Variants in SIGLEC1 observed in about 807,000 individuals in gnomAD.
The protein encoded by SIGLEC1 is sialic acid binding Ig like lectin 1, also known as sialoadhesin.
A neutral mutation model predicts 148.0 loss-of-function variants in SIGLEC1; 132 were observed. That is an observed-to-expected ratio of 0.89 (90% confidence interval 0.77 to 1.03). The LOEUF (loss-of-function observed/expected upper bound fraction) is 1.03, where lower values mean the gene tolerates loss of function less well. SIGLEC1 is among the 50% of genes least tolerant of loss of function. The pLI, the probability that SIGLEC1 is intolerant of heterozygous loss-of-function variation, is 0.00. For synonymous variants in SIGLEC1, 945 were observed against 969.0 expected, an observed-to-expected ratio of 0.98 and a Z score of 0.46; for missense variants, 2,253 against 2,271.4, an observed-to-expected ratio of 0.99 and a Z score of 0.16.
Position 3,696,622 on chromosome 20 carries a change from C to T in SIGLEC1, c.2647G>A (p.Gly883Arg), listed in dbSNP as rs375722756. The T allele has an allele frequency of 6.2e-6, 10 of 1,613,184 alleles. No homozygotes were observed. The highest frequency in any genetic ancestry group is 8.5e-6 in the Non-Finnish European group (10 of 1,179,756). ...SYRCEATNVL[G>R]SSNTSLFFQV... ...AAGAAGAGTGAGGTGTTGGATGATC[C>T]AAGAACATTTGTGGCCTCACAGCGG... Residue 883 changes from glycine (G) to arginine (R), a missense_variant, in exon 11 of 22, where the codon GGA becomes AGA. Transcript: ENST00000344754.
rs144382053 is a variant in SIGLEC1 at position 3,703,936 on chromosome 20, C to T, written c.862G>A (p.Gly288Ser). 8.1e-6 allele frequency: 13 copies of T among 1,613,692 alleles called. No homozygotes were observed. The highest frequency in any genetic ancestry group is 1.1e-5 in the Non-Finnish European group (13 of 1,179,854). The change falls in exon 5 of 22, where the codon GGT (glycine) becomes AGT (serine). Residue 288 changes from glycine (G) to serine (S), a missense_variant. By Grantham distance (56) the Gly-to-Ser change is moderately conservative. Transcript: ENST00000344754. ...GCTGCCTGGGGCAGGTGCAGCACAC[C>T]AGTCTTGGTTTGGAGGCGTACCCCA... ...KDGVRLQTKT[G>S]VLHLPQAAWS...
At chr20:3,696,448 T>TACTG (rs1555848054) in intron 11 of SIGLEC1, 138 bp downstream of exon 11, 1 of 623,918 alleles carries the variant, frequency 1.6e-6, no homozygotes, top group Admixed American at 3.6e-5. Context: ...GGAGGCCTTC[T>TACTG]GCTGGCTGGA....
In SIGLEC1 at chr20:3,688,569, G is replaced by C; in HGVS notation, c.5121C>G (p.Pro1707=). The stretch of plus-strand genomic sequence containing the variant: ...CAGGCAACACCACTGGTCAGCCCAG[G>C]GGTGGGGCACAGGTTGAGGTCTCAC... ...ATCETSTCAP[P]LG The change falls in exon 22 of 22, where the codon CCC becomes CCG. Residue 1707 remains proline, a synonymous_variant. Transcript: ENST00000344754. 6.2e-7 allele frequency: 1 copy of C among 1,600,076 alleles called. No individual in the cohort carries two copies. The highest frequency in any genetic ancestry group is 8.5e-7 in the Non-Finnish European group (1 of 1,172,606).
intron 20 of SIGLEC1, 55 bp from the exon 21 acceptor site, chr20:3,689,282 C>G: frequency 6.9e-7 from 1 of 1,458,750 alleles, no homozygotes; most frequent in African/African-American, 1.4e-5. Context: ...CTCCTGCCCC[C>G]ATTCCTCTCC....
At position 3,703,912 on chromosome 20, in the gene SIGLEC1, C is replaced by T. The variant is rs1359330451; in HGVS notation, c.886G>A (p.Ala296Thr). 1 of 1,613,912 alleles carries T rather than the reference C, an allele frequency of 6.2e-7. No homozygotes were observed. Among genetic ancestry groups the T allele is most frequent in the Admixed American group, 1.7e-5 (1 of 59,988 alleles). Residue 296 changes from alanine to threonine, a missense_variant, in exon 5 of 22, where the codon GCC becomes ACC. Coordinates refer to ENST00000344754, the MANE Select transcript of SIGLEC1 (RefSeq NM_023068.4). ...GTGTAGACGCCAGCATCGCTCCAGGCTGCCTGGGGCAGGTGCAGCACACCA... is the reference window on the plus strand; with the variant it reads ...GTGTAGACGCCAGCATCGCTCCAGGTTGCCTGGGGCAGGTGCAGCACACCA... ...KTGVLHLPQA[A>T]WSDAGVYTCQ...
rs141019231 is a variant in SIGLEC1, at chr20:3,710,878, G to A, written c.-110+1592C>T. Among the ~76,000 whole-genome samples the A allele has an allele frequency of 1.2e-3, 176 of 152,338 alleles. No homozygotes were observed. The highest frequency in any genetic ancestry group is 4.1e-3 in the African/African-American group (172 of 41,580). ...AAGGGGTCAGCCCCACCGGAATCCA[G>A]CCTATTGGCTCAGCCTGTCACCACA... On this transcript the variant is annotated intron_variant, in intron 1 of 21. Coordinates refer to ENST00000344754, the MANE Select transcript of SIGLEC1 (RefSeq NM_023068.4). The surrounding 1 kb of genome is among the most constrained non-coding windows in gnomAD (Gnocchi z 4.6).
In SIGLEC1 at chr20:3,696,739, C is replaced by T. The variant is rs749430672; in HGVS notation, c.2530G>A (p.Val844Ile). ...GCCTGGAACCGACCATGGGATGGGA[C>T]CTGGGGACCCAGGCTGGTGGCCAGG... ...HLLATSLGPQ[V>I]PSHGRFQAKA... Residue 844 changes from valine to isoleucine, a missense_variant, in exon 11 of 22, where the codon GTC (valine) becomes ATC (isoleucine). Coordinates refer to ENST00000344754, the MANE Select transcript of SIGLEC1 (RefSeq NM_023068.4). The T allele has an allele frequency of 2.5e-6, 4 of 1,613,486 alleles. No individual in the cohort carries two copies. The South Asian group carries it at 3.3e-5, about 13-fold the overall frequency.
At chr20:3,691,189 T>C in intron 18 of SIGLEC1, 151 bp downstream of exon 18, 1 of 888,962 alleles carries the variant, frequency 1.1e-6, no homozygotes, top group South Asian at 1.7e-5. Context: ...TTTTACAAGG[T>C]CACCCAACCA....
In SIGLEC1 at chr20:3,710,997, T is replaced by G. The variant is rs967800749; in HGVS notation, c.-110+1473A>C. On this transcript the variant is annotated intron_variant, in intron 1 of 21. Transcript: ENST00000344754. This position sits in a 1 kb window ranked among gnomAD's most constrained non-coding sequence, Gnocchi z 4.6. ...TCTGTCCCTGTTTGAAAGCCTGGAGTTGAGGGGACAGTGCCCCGCCCCCCG... is the reference window on the plus strand; with the variant it reads ...TCTGTCCCTGTTTGAAAGCCTGGAGGTGAGGGGACAGTGCCCCGCCCCCCG... Among the ~76,000 whole-genome samples the G allele has an allele frequency of 3.3e-5, 5 of 152,030 alleles. No individual in the cohort carries two copies. Among genetic ancestry groups the G allele is most frequent in the African/African-American group, 1.2e-4 (5 of 41,378 alleles).
At chr20:3,703,700 C>A (rs2087870510) in intron 5 of SIGLEC1, 125 bp downstream of exon 5, 1 of 1,326,494 alleles carries the variant, frequency 7.5e-7, no homozygotes, top group South Asian at 1.4e-5. Flanking sequence ...GGACTCCACA[C>A]CTGCATCCAG....
Position 3,703,280 on chromosome 20 carries a change from C to G in SIGLEC1, c.1145G>C (p.Arg382Thr), listed in dbSNP as rs756711586. Residue 382 changes from arginine to threonine, a missense_variant, in exon 6 of 22, where the codon AGG becomes ACG. Coordinates refer to ENST00000344754, the MANE Select transcript of SIGLEC1 (RefSeq NM_023068.4). The stretch of plus-strand genomic sequence containing the variant: ...ACAGAAGTAGAAGCCAGTATCAGCC[C>G]TAGTGGCCAAGTGCAGCCGGAGGGT... Reference protein sequence around the residue: ...SHTLRLHLATRADTGFYFCEV... With the variant: ...SHTLRLHLATTADTGFYFCEV... 4 of 1,614,194 alleles carry G rather than the reference C, an allele frequency of 2.5e-6. No homozygotes were observed. The highest frequency in any genetic ancestry group is 3.4e-6 in the Non-Finnish European group (4 of 1,180,028).
At chr20:3,694,639 C>A (rs75732377) in intron 12 of SIGLEC1, 24 bp downstream of exon 12, 2 of 1,598,714 alleles carry the variant, frequency 1.3e-6, no homozygotes, top group Admixed American at 1.7e-5. Flanking sequence ...TTCCCCCACA[C>A]CTGGATGGGA....
intron 11 of SIGLEC1, among the ~76,000 whole-genome samples, chr20:3,695,737 G>A (rs1355735282): frequency 6.6e-6 from 1 of 152,192 alleles, no homozygotes; most frequent in Non-Finnish European, 1.5e-5. Context: ...GGTCACCGTG[G>A]TGGAAGAAAC....
rs768052008 is a variant in SIGLEC1, at chr20:3,710,263, C to A, written c.-110+2207G>T. 2.0e-4 allele frequency among the ~76,000 whole-genome samples: 31 copies of A among 152,160 alleles called. No homozygotes were observed. Among genetic ancestry groups the A allele is most frequent in the Non-Finnish European group, 3.8e-4 (26 of 68,028 alleles). On this transcript the variant is annotated intron_variant, in intron 1 of 21. Coordinates refer to ENST00000344754, the MANE Select transcript of SIGLEC1 (RefSeq NM_023068.4). The surrounding 1 kb of genome is among the most constrained non-coding windows in gnomAD (Gnocchi z 4.6). ...CACCTGGGAAGGGGGTGAGCCGAGG[C>A]CCAGGGCCAGTCAGGCTGACCAGGT... is the stretch of plus-strand genomic sequence containing the variant.
intron 8 of SIGLEC1, 129 bp downstream of exon 8, chr20:3,699,073 G>A: frequency 9.4e-7 from 1 of 1,063,056 alleles, no homozygotes; most frequent in Non-Finnish European, 1.4e-6. Context: ...GACCCACTGT[G>A]GCCAGGTCTG....
chr20:3,701,344 T>C lies in SIGLEC1; in HGVS notation c.1526A>G (p.Asn509Ser). 6.2e-7 allele frequency: 1 copy of C among 1,605,580 alleles called. No homozygotes were observed. Among genetic ancestry groups the C allele is most frequent in the Non-Finnish European group, 8.5e-7 (1 of 1,174,784 alleles). ...CTGGCTGCCAGTGCCCATCTTACCA[T>C]TGGCATGGAAGTCCAGGGTGGAGGT... ...NATSTLDFHA[N>S]AARLLISPAA... Residue 509 changes from asparagine (N) to serine (S), a missense_variant and splice_region_variant, in exon 7 of 22, where the codon AAT (asparagine) becomes AGT (serine). By Grantham distance (46) the Asn-to-Ser change is conservative (BLOSUM62 1). Coordinates refer to ENST00000344754, the MANE Select transcript of SIGLEC1 (RefSeq NM_023068.4).
At chr20:3,691,206 G>A (rs893729139) in intron 18 of SIGLEC1, 134 bp downstream of exon 18, 11 of 1,071,796 alleles carry the variant, frequency 1.0e-5, no homozygotes, top group East Asian at 2.4e-5. Flanking sequence ...ACCAGACAGC[G>A]GGAGAGCCAG....
intron 17 of SIGLEC1, 121 bp downstream of exon 17, chr20:3,691,781 AG>A (rs1674671030): frequency 1.5e-6 from 2 of 1,348,290 alleles, no homozygotes; most frequent in South Asian, 2.8e-5. Context: ...CCACCAGATT[AG>A]GCTTCTCAAG....
At chr20:3,706,291 C>T (rs1309011537) in intron 3 of SIGLEC1, 56 bp downstream of exon 3, 1 of 1,558,958 alleles carries the variant, frequency 6.4e-7, no homozygotes, top group Non-Finnish European at 8.7e-7. Context: ...GCCAAGGGGT[C>T]CAGAAGCAGC....
Sources: gnomAD v4.1 joint callset for allele counts (sites outside exome capture counted in the v4.1 genomes callset) on GRCh38, gnomAD v4.1.1 for gene constraint, Gnocchi (gnomAD v3.1) non-coding constraint, MANE v1.5 for transcripts, NCBI Gene and HGNC (gene_info 2026-07-23, HGNC 2026-07-21) for gene names.